Variants in SPRED1 observed in about 807,000 individuals in gnomAD.
SPRED1 encodes the protein sprouty-related, EVH1 domain-containing protein 1.
Under a neutral mutation model 52.3 loss-of-function variants are expected in SPRED1, and 18 were observed. The observed-to-expected ratio is 0.34, with a 90% CI of 0.24 to 0.51. The LOEUF (loss-of-function observed/expected upper bound fraction) is 0.51. Among genes scored for constraint, SPRED1 ranks in the 20% least tolerant of loss-of-function variants. The pLI is 0.97. For missense variants in SPRED1, 485 were observed against 551.0 expected, an observed-to-expected ratio of 0.88 and a Z score of 1.20; for synonymous variants, 155 against 179.7, an observed-to-expected ratio of 0.86 and a Z score of 1.10.
At chr15:38,301,848 C>T (rs11638880) in intron 2 of SPRED1, among the ~76,000 whole-genome samples, 125,322 of 151,930 alleles carry the variant, frequency 0.82, 52,449 homozygotes, top group Non-Finnish European at 0.9. Flanking sequence ...TTATTTTAAC[C>T]CATTTTCCTG....
At chr15:38,317,078 AT>A (rs1375043574) in intron 2 of SPRED1, among the ~76,000 whole-genome samples, 1 of 151,756 alleles carries the variant, frequency 6.6e-6, no homozygotes, top group African/African-American at 2.4e-5. Context: ...TGGCTTTTAA[AT>A]TTATCTTTAC....
intron 4 of SPRED1, among the ~76,000 whole-genome samples, chr15:38,336,975 A>G (rs1895937351): frequency 6.6e-6 from 1 of 152,208 alleles, no homozygotes; most frequent in Admixed American, 6.5e-5. Flanking sequence ...AATTCTGAGA[A>G]AAATACTTTG....
At chr15:38,274,024 G>A (rs935791592) in intron 1 of SPRED1, among the ~76,000 whole-genome samples, 1 of 152,196 alleles carries the variant, frequency 6.6e-6, no homozygotes, top group Non-Finnish European at 1.5e-5. Flanking sequence ...ATATTAAAGA[G>A]TTATTCAAAG....
At chr15:38,304,837 A>AT (rs1329570191) in intron 2 of SPRED1, among the ~76,000 whole-genome samples, 2 of 151,266 alleles carry the variant, frequency 1.3e-5, no homozygotes, top group African/African-American at 4.9e-5. Context: ...TGTGCCTCCA[A>AT]TTTTTTCCTT....
At position 38,356,745 on chromosome 15, in the gene SPRED1, T is replaced by G. The variant is rs1457185663; in HGVS notation, c.*5081T>G. ...TGGCAATTGTTTAACCCAGGACTAC[T>G]GATTTTTTTATATTCAAGTCAGTTT... On this transcript the variant is annotated 3_prime_UTR_variant, in exon 7 of 7. Transcript: ENST00000299084. 1.3e-5 allele frequency: 2 copies of G among 150,890 alleles called. No homozygotes were observed. The highest frequency in any genetic ancestry group is 2.9e-5 in the Non-Finnish European group (2 of 67,990). 9.3% of individuals were successfully genotyped at this position (150,890 alleles called of 1,614,324 possible). A position where few individuals can be genotyped will look rare whatever the true frequency, so the allele number is the denominator to read the frequency against.
chr15:38,305,126 C>T (rs368372300), intron 2 of SPRED1, among the ~76,000 whole-genome samples: 3 of 151,918 alleles, frequency 2.0e-5, no homozygotes, highest in South Asian at 4.1e-4. Flanking sequence ...GTCAGGAGTT[C>T]GAGACCAGCC....
At chr15:38,348,962 T>C (rs1240432818) in intron 5 of SPRED1, among the ~76,000 whole-genome samples, 1 of 152,130 alleles carries the variant, frequency 6.6e-6, no homozygotes, top group African/African-American at 2.4e-5. Context: ...GTTTTTATTA[T>C]ATTCACAAGA....
At chr15:38,323,643 A>C (rs1393451498) in intron 3 of SPRED1, among the ~76,000 whole-genome samples, 1 of 151,704 alleles carries the variant, frequency 6.6e-6, no homozygotes, top group Non-Finnish European at 1.5e-5. Context: ...AAAAAAATAC[A>C]TGATGTTCTG....
intron 4 of SPRED1, among the ~76,000 whole-genome samples, chr15:38,325,419 C>CAA (rs1895694777): frequency 6.6e-6 from 1 of 151,772 alleles, no homozygotes; most frequent in Non-Finnish European, 1.5e-5. Flanking sequence ...TAAGAGATAT[C>CAA]AATCTTTATA....
intron 1 of SPRED1, among the ~76,000 whole-genome samples, chr15:38,277,890 A>G (rs11073309): frequency 0.83 from 124,900 of 151,284 alleles, 52,273 homozygotes; most frequent in Non-Finnish European, 0.9. Flanking sequence ...TCATGTGTTT[A>G]TGCTTGTTCA....
At chr15:38,323,776 A>C (rs1895651201) in intron 3 of SPRED1, among the ~76,000 whole-genome samples, 1 of 152,162 alleles carries the variant, frequency 6.6e-6, no homozygotes, top group Non-Finnish European at 1.5e-5. Context: ...CCAGTGCTTT[A>C]AAGAGAGAGA....
chr15:38,271,389 C>A (rs1894431515), intron 1 of SPRED1, among the ~76,000 whole-genome samples: 1 of 152,166 alleles, frequency 6.6e-6, no homozygotes. Flanking sequence ...TGCAGCATTT[C>A]TTAGTAGTCA....
intron 2 of SPRED1, among the ~76,000 whole-genome samples, chr15:38,316,748 GTTTT>G (rs1555390721): frequency 1.2e-4 from 5 of 41,908 alleles, no homozygotes. Context: ...TCCATTATAT[GTTTT>G]TTTTTTTTTT....
rs140090486 is a variant in SPRED1 at position 38,314,217 on chromosome 15, T to C, written c.208-8024T>C. On this transcript the variant is annotated intron_variant, in intron 2 of 6. Coordinates refer to ENST00000299084, the MANE Select transcript of SPRED1 (RefSeq NM_152594.3). ...TAGGTCAGATGTTTTAATGGTGATATTCAAATCTGCTTTATCTTTACTAAT... is the reference window on the plus strand; with the variant it reads ...TAGGTCAGATGTTTTAATGGTGATACTCAAATCTGCTTTATCTTTACTAAT... Among the ~76,000 whole-genome samples the C allele has an allele frequency of 2.6e-5, 4 of 151,970 alleles. No homozygotes were observed. The East Asian group carries it at 5.8e-4, about 22-fold the overall frequency.
intron 4 of SPRED1, among the ~76,000 whole-genome samples, chr15:38,334,481 C>T (rs563705467): frequency 5.0e-4 from 76 of 152,056 alleles, no homozygotes; most frequent in African/African-American, 1.7e-3. Flanking sequence ...GGAGAGAGAA[C>T]CCATGAATCC....
intron 1 of SPRED1, among the ~76,000 whole-genome samples, chr15:38,255,235 T>C (rs1376596785): frequency 6.6e-6 from 1 of 152,170 alleles, no homozygotes; most frequent in Non-Finnish European, 1.5e-5. Context: ...ATGTTGATAT[T>C]TGAAACACCG....
intron 5 of SPRED1, among the ~76,000 whole-genome samples, chr15:38,346,327 A>G (rs1896135419): frequency 7.0e-6 from 1 of 143,508 alleles, no homozygotes; most frequent in Non-Finnish European, 1.5e-5. Context: ...AAAAAAAAAA[A>G]TCCTCTGGAT....
At chr15:38,325,330 G>GTACTAT (rs1895693145) in intron 4 of SPRED1, among the ~76,000 whole-genome samples, 1 of 152,108 alleles carries the variant, frequency 6.6e-6, no homozygotes, top group Non-Finnish European at 1.5e-5. Flanking sequence ...TTTAAATTGG[G>GTACTAT]TACTATCCTT....
intron 1 of SPRED1, among the ~76,000 whole-genome samples, chr15:38,271,363 A>T (rs1441544650): frequency 6.6e-6 from 1 of 152,230 alleles, no homozygotes; most frequent in Non-Finnish European, 1.5e-5. Context: ...AGCCAAACAG[A>T]TGGAGATCAG....
Sources: allele counts gnomAD v4.1 joint callset (sites outside exome capture counted in the v4.1 genomes callset), GRCh38; gene constraint gnomAD v4.1.1; transcripts MANE v1.5; gene names NCBI Gene and HGNC (gene_info 2026-07-23, HGNC 2026-07-21).